The following BMPR2 variants were observed in gnomAD, a reference collection of about 807,000 sequenced individuals.
BMPR2 encodes the protein bone morphogenetic protein receptor type-2.
BMPR2 carries 29 observed loss-of-function variants against 100.8 expected under a neutral mutation model. That is an observed-to-expected ratio of 0.29 (90% CI 0.21 to 0.39). BMPR2 has a LOEUF of 0.39. Ranked by LOEUF, BMPR2 falls within the 10% of genes least tolerant of loss-of-function variation. BMPR2 has a pLI of 1.00. For synonymous variants in BMPR2, 382 were observed against 442.3 expected, an observed-to-expected ratio of 0.86 and a Z score of 1.71; for missense variants, 1,011 against 1,274.5, an observed-to-expected ratio of 0.79 and a Z score of 3.15.
chr2:202,382,058 G>GGTTTTTTTTTTTTTTTTTT (rs1690311295), intron 1 of BMPR2, among the ~76,000 whole-genome samples: 1 of 113,648 alleles, frequency 8.8e-6, no homozygotes, highest in Non-Finnish European at 1.9e-5. Flanking sequence ...TTTTGTTTTT[G>GGTTTTTTTTTTTTTTTTTT]TTTTTTTTTT....
chr2:202,466,300 T>G (rs770669027), intron 2 of BMPR2, among the ~76,000 whole-genome samples: 9 of 152,186 alleles, frequency 5.9e-5, no homozygotes, highest in Non-Finnish European at 1.3e-4. Context: ...TTATTTTTAT[T>G]TTTTGAGATG....
intron 1 of BMPR2, among the ~76,000 whole-genome samples, chr2:202,389,995 G>A (rs1373145407): frequency 1.3e-4 from 14 of 110,366 alleles, no homozygotes; most frequent in African/African-American, 5.1e-4. Flanking sequence ...TGATAATGAA[G>A]TATACAAAAA....
rs1201975147 is a variant in BMPR2, at chr2:202,393,878, A to AGAGC, written c.76+16332_76+16335dup. ...GATGGCATCTAATTAAGGTAATGAG[A>AGAGC]GAGCGAGAGAGAGAGAGAGAGAGAG... is the stretch of plus-strand genomic sequence containing the variant. On this transcript the variant is annotated intron_variant, in intron 1 of 12. Transcript: ENST00000374580. Among the ~76,000 whole-genome samples, 5 of 120,844 alleles carry AGAGC rather than the reference A, an allele frequency of 4.1e-5. No individual in the cohort carries two copies. The South Asian group carries it at 1.4e-3, about 34-fold the overall frequency. The allele number at this position is 120,844 out of a possible 152,430, so 79.3% of individuals were successfully genotyped here.
At chr2:202,399,328 A>G (rs1690714876) in intron 1 of BMPR2, among the ~76,000 whole-genome samples, 1 of 152,204 alleles carries the variant, frequency 6.6e-6, no homozygotes, top group Non-Finnish European at 1.5e-5. Flanking sequence ...ATTGCAGGAA[A>G]AACATTCCAG....
rs549551215 is a variant in BMPR2, at chr2:202,481,542, A to T, written c.418+13853A>T. On this transcript the variant is annotated intron_variant, in intron 3 of 12. Transcript: ENST00000374580. ...TCCTTGCATTTCCATATGAATTGTGATCAGTTTTCCATATCTGAAAAAAGA... is the reference window on the plus strand; with the variant it reads ...TCCTTGCATTTCCATATGAATTGTGTTCAGTTTTCCATATCTGAAAAAAGA... Among the ~76,000 whole-genome samples, 34 of 152,246 alleles carry T rather than the reference A, an allele frequency of 2.2e-4. 1 individual carries two copies. Among genetic ancestry groups the T allele is most frequent in the African/African-American group, 8.2e-4 (34 of 41,520 alleles).
intron 8 of BMPR2, among the ~76,000 whole-genome samples, chr2:202,531,674 C>A (rs1488188583): frequency 6.6e-6 from 1 of 152,118 alleles, no homozygotes; most frequent in Non-Finnish European, 1.5e-5. Flanking sequence ...TTTTGTTGCC[C>A]AGGCTGGAGT....
Position 202,520,389 on chromosome 2 carries a change from C to G in BMPR2, c.967+188C>G, listed in dbSNP as rs139055814. Reference sequence around the variant, plus strand: ...AGAAAGAGCTTTCCCACGCAGCTGCCAAGATGGCAGAGGGGCAGTCCTGGT... The same window carrying G: ...AGAAAGAGCTTTCCCACGCAGCTGCGAAGATGGCAGAGGGGCAGTCCTGGT... On this transcript the variant is annotated intron_variant, in intron 7 of 12. Transcript: ENST00000374580. 445 of 616,588 alleles carry G rather than the reference C, an allele frequency of 7.2e-4. 3 individuals are homozygous for G. Among genetic ancestry groups the G allele is most frequent in the African/African-American group, 6.1e-3 (333 of 54,560 alleles). 38.2% of individuals were successfully genotyped at this position (616,588 alleles called of 1,614,324 possible).
intron 1 of BMPR2, among the ~76,000 whole-genome samples, chr2:202,410,237 G>A (rs553157548): frequency 1.3e-5 from 2 of 151,858 alleles, no homozygotes; most frequent in East Asian, 1.9e-4. Flanking sequence ...CGCCCGCCTC[G>A]GCTTCCCAAG....
intron 1 of BMPR2, among the ~76,000 whole-genome samples, chr2:202,440,099 G>A (rs1691701802): frequency 6.6e-6 from 1 of 150,636 alleles, no homozygotes; most frequent in African/African-American, 2.5e-5. Context: ...GAACAAAATG[G>A]AGTCTCCCAT....
At chr2:202,533,134 TC>T in intron 9 of BMPR2, among the ~76,000 whole-genome samples, 1 of 152,178 alleles carries the variant, frequency 6.6e-6, no homozygotes, top group Non-Finnish European at 1.5e-5. Context: ...TTTTTCCTTT[TC>T]TTTTTTTTTC....
chr2:202,496,784 C>T (rs978918671), intron 3 of BMPR2, among the ~76,000 whole-genome samples: 2 of 152,272 alleles, frequency 1.3e-5, no homozygotes, highest in Non-Finnish European at 2.9e-5. Flanking sequence ...TCAGCGCCTC[C>T]TCTGCCTGGG....
At chr2:202,535,208 C>CGG (rs1377868308) in intron 9 of BMPR2, among the ~76,000 whole-genome samples, 1 of 150,344 alleles carries the variant, frequency 6.7e-6, no homozygotes, top group Non-Finnish European at 1.5e-5. Flanking sequence ...CCCTCCCGGA[C>CGG]GGGGTGGCTG....
At chr2:202,465,794 A>G (rs1302873643) in intron 2 of BMPR2, among the ~76,000 whole-genome samples, 1 of 152,110 alleles carries the variant, frequency 6.6e-6, no homozygotes, top group Admixed American at 6.6e-5. Context: ...CGGAGCTTGC[A>G]GTGAGCCGAG....
chr2:202,492,701 A>C (rs1482724136), intron 3 of BMPR2, among the ~76,000 whole-genome samples: 2 of 84,082 alleles, frequency 2.4e-5, no homozygotes, highest in African/African-American at 8.2e-5. Context: ...GCTCTGTCTC[A>C]AAAAAAAAAA....
Position 202,565,129 on chromosome 2 carries a change from A to C in BMPR2, c.*5183A>C, listed in dbSNP as rs1371403170. 1.3e-5 allele frequency: 2 copies of C among 152,020 alleles called. No individual in the cohort carries two copies. Among genetic ancestry groups the C allele is most frequent in the Non-Finnish European group, 2.9e-5 (2 of 67,992 alleles). 9.4% of individuals were successfully genotyped at this position (152,020 alleles called of 1,614,324 possible). On this transcript the variant is annotated 3_prime_UTR_variant, in exon 13 of 13. Coordinates refer to ENST00000374580, the MANE Select transcript of BMPR2 (RefSeq NM_001204.7). ...AGTTATCTGATTTGTAGTCTGTGTC[A>C]GGAAAGTTTTCTTCATATCTATTCT...
intron 1 of BMPR2, 29 bp downstream of exon 1, chr2:202,377,579 C>T: frequency 6.2e-7 from 1 of 1,612,504 alleles, no homozygotes; most frequent in Non-Finnish European, 8.5e-7. Flanking sequence ...CACGTCCCGG[C>T]CACTGCCCCT....
chr2:202,559,360 A>C (rs1171398847), intron 12 of BMPR2, among the ~76,000 whole-genome samples: 1 of 152,130 alleles, frequency 6.6e-6, no homozygotes, highest in African/African-American at 2.4e-5. Context: ...AAATACAATA[A>C]TTAAGTACAT....
intron 1 of BMPR2, among the ~76,000 whole-genome samples, chr2:202,406,244 A>G (rs1195429475): frequency 2.0e-5 from 3 of 152,260 alleles, no homozygotes; most frequent in African/African-American, 7.2e-5. Flanking sequence ...TGTTAGTTTC[A>G]TAAAACACCA....
intron 1 of BMPR2, among the ~76,000 whole-genome samples, chr2:202,394,662 A>G (rs1380893508): frequency 1.3e-5 from 2 of 152,122 alleles, no homozygotes; most frequent in African/African-American, 4.8e-5. Flanking sequence ...TAATTATTGA[A>G]TTATTCATCG....
Sources: allele counts gnomAD v4.1 joint callset (sites outside exome capture counted in the v4.1 genomes callset), GRCh38; gene constraint gnomAD v4.1.1; transcripts MANE v1.5; gene names NCBI Gene and HGNC (gene_info 2026-07-23, HGNC 2026-07-21).